The following ZNF223 variants were observed in gnomAD, a reference collection of about 807,000 sequenced individuals.
ZNF223 encodes the protein Homo sapiens zinc finger protein 223.
A neutral mutation model predicts 12.3 loss-of-function variants in ZNF223; 9 were observed. The ratio of observed to expected loss-of-function variants is 0.73; its 90% CI spans 0.44 to 1.28. The LOEUF (loss-of-function observed/expected upper bound fraction) is 1.28, where lower values mean the gene tolerates loss of function less well. Ranked by LOEUF, ZNF223 falls within the 50% of genes most tolerant of loss-of-function variation. The probability of loss-of-function intolerance (pLI) is 0.00; values close to 1 mark genes in which losing one functional copy is unlikely to be tolerated. For synonymous variants in ZNF223, 171 were observed against 195.2 expected (o/e 0.88, Z 1.03); for missense variants, 506 against 579.0 (o/e 0.87, Z 1.29).
At chr19:44,056,830 C>A (rs1243305029) in intron 2 of ZNF223, among the ~76,000 whole-genome samples, 1 of 151,850 alleles carries the variant, frequency 6.6e-6, no homozygotes, top group Non-Finnish European at 1.5e-5. Context: ...GATCTGACCT[C>A]ATGATCTGCC....
intron 2 of ZNF223, among the ~76,000 whole-genome samples, chr19:44,059,873 C>T (rs1280218712): frequency 6.6e-6 from 1 of 152,210 alleles, no homozygotes; most frequent in Non-Finnish European, 1.5e-5. Context: ...TCCGTGGTCT[C>T]ATTCTTCACC....
At position 44,055,166 on chromosome 19, in the gene ZNF223, T is replaced by C; in HGVS notation, c.-11T>C. The stretch of plus-strand genomic sequence containing the variant: ...TCAGGACTCTGCAAATTCCCTAAAG[T>C]AGGAGGAAAAATGACCATGTCCAAG... On this transcript the variant is annotated 5_prime_UTR_variant, in exon 2 of 5. An upstream open reading frame in the 5' UTR loses its in-frame stop. Coordinates refer to ENST00000434772, the MANE Select transcript of ZNF223 (RefSeq NM_013361.6). 2.5e-6 allele frequency: 4 copies of C among 1,613,256 alleles called. No homozygotes were observed. The highest frequency in any genetic ancestry group is 3.4e-6 in the Non-Finnish European group (4 of 1,179,504).
Position 44,056,585 on chromosome 19 carries a change from ATTTTTTTT to A in ZNF223, c.15+1413_15+1420del, listed in dbSNP as rs775187674. On this transcript the variant is annotated intron_variant, in intron 2 of 4. Coordinates refer to ENST00000434772, the MANE Select transcript of ZNF223 (RefSeq NM_013361.6). Reference sequence around the variant, plus strand: ...TCCTTATGGCATAAAATGCCTCACCATTTTTTTTTTTTTTTTTTTTTTTTTTGAGATAG... The same window carrying A: ...TCCTTATGGCATAAAATGCCTCACCATTTTTTTTTTTTTTTTTTGAGATAG... 4.0e-3 allele frequency among the ~76,000 whole-genome samples: 288 copies of A among 72,154 alleles called. 1 individual carries two copies. The South Asian group carries it at 0.066, about 17-fold the overall frequency. 47.3% of individuals were successfully genotyped at this position (72,154 alleles called of 152,430 possible).
At chr19:44,065,280 G>GT (rs1976891166) in intron 4 of ZNF223, among the ~76,000 whole-genome samples, 1 of 152,078 alleles carries the variant, frequency 6.6e-6, no homozygotes, top group African/African-American at 2.4e-5. Context: ...TTTTAAAAAT[G>GT]TTTTTTAAGC....
At chr19:44,063,651 G>A (rs1184397660) in intron 4 of ZNF223, 9 of 152,280 alleles carry the variant, frequency 5.9e-5, no homozygotes, top group African/African-American at 2.2e-4. Context: ...ATTTGTGGCT[G>A]GGCCCCTCTC....
intron 4 of ZNF223, 154 bp downstream of exon 4, chr19:44,060,995 C>A (rs1257221735): frequency 4.4e-6 from 3 of 674,550 alleles, no homozygotes; most frequent in Non-Finnish European, 7.7e-6. Flanking sequence ...CGTGCCTTCC[C>A]ACTCTGACAT....
In ZNF223 at chr19:44,066,080, T is replaced by G; in HGVS notation, c.252T>G (p.Pro84=). 6.3e-7 allele frequency: 1 copy of G among 1,596,680 alleles called. No homozygotes were observed. The highest frequency in any genetic ancestry group is 8.5e-7 in the Non-Finnish European group (1 of 1,173,960). ...REGNSGGKIQ[P]EMKTFPEAGP... is the part of the protein sequence containing the mutation. ...TTCTGATAGGAGGCAAGATCCAACC[T>G]GAGATGAAGACTTTTCCAGAAGCAG... The change falls in exon 5 of 5, where the codon CCT becomes CCG. Residue 84 remains proline, a synonymous_variant. Transcript: ENST00000434772.
At chr19:44,066,040 TC>T (rs750570989) in intron 4 of ZNF223, 23 bp from the exon 5 acceptor site, 1 of 1,558,830 alleles carries the variant, frequency 6.4e-7, no homozygotes, top group Admixed American at 2.0e-5. Context: ...CTTGTCCTGA[TC>T]TCTTAATTTT....
chr19:44,067,829 G>T lies in ZNF223; in HGVS notation c.*552G>T, dbSNP rs143013996. On this transcript the variant is annotated 3_prime_UTR_variant, in exon 5 of 5. Transcript: ENST00000434772. ...AAAATTGATGACCACTAGAATGTCA[G>T]CCACATGTGTCTTTGTATTTTTGCT... 1,377 of 196,010 alleles carry T rather than the reference G, an allele frequency of 7.0e-3. 7 individuals are homozygous for T. The highest frequency in any genetic ancestry group is 0.011 in the Middle Eastern group (5 of 436). The allele number at this position is 196,010 out of a possible 1,614,324, so 12.1% of individuals were successfully genotyped here.
intron 1 of ZNF223, among the ~76,000 whole-genome samples, chr19:44,053,787 G>A (rs1976730748): frequency 6.6e-6 from 1 of 152,222 alleles, no homozygotes; most frequent in Non-Finnish European, 1.5e-5. Flanking sequence ...CTTGGGCAGA[G>A]GTCCCTGTGG....
chr19:44,064,660 A>C (rs1220465992), intron 4 of ZNF223, among the ~76,000 whole-genome samples: 1 of 152,132 alleles, frequency 6.6e-6, no homozygotes, highest in East Asian at 1.9e-4. Flanking sequence ...CTACCTTCAC[A>C]TTCAATAATT....
chr19:44,056,327 C>G (rs867154065), intron 2 of ZNF223, among the ~76,000 whole-genome samples: 1 of 131,484 alleles, frequency 7.6e-6, no homozygotes, highest in African/African-American at 2.9e-5. Context: ...ACCATCCTGG[C>G]TAATATGGTG....
chr19:44,058,725 G>T (rs1051365567), intron 2 of ZNF223, among the ~76,000 whole-genome samples: 2 of 152,242 alleles, frequency 1.3e-5, no homozygotes, highest in Middle Eastern at 3.2e-3. Flanking sequence ...ATGTTGCTGG[G>T]CTCCCAAGGC....
rs1448229549 is a variant in ZNF223, at chr19:44,055,163, A to C, written c.-14A>C. On this transcript the variant is annotated 5_prime_UTR_variant, in exon 2 of 5. Coordinates refer to ENST00000434772, the MANE Select transcript of ZNF223 (RefSeq NM_013361.6). ...CATTCAGGACTCTGCAAATTCCCTAAAGTAGGAGGAAAAATGACCATGTCC... is the reference window on the plus strand; with the variant it reads ...CATTCAGGACTCTGCAAATTCCCTACAGTAGGAGGAAAAATGACCATGTCC... The C allele has an allele frequency of 2.5e-6, 4 of 1,613,006 alleles. No homozygotes were observed. The highest frequency in any genetic ancestry group is 3.4e-6 in the Non-Finnish European group (4 of 1,179,420).
At chr19:44,058,167 T>G (rs1976793062) in intron 2 of ZNF223, among the ~76,000 whole-genome samples, 1 of 152,154 alleles carries the variant, frequency 6.6e-6, no homozygotes, top group African/African-American at 2.4e-5. Context: ...CCCATAATAT[T>G]GCATTCTTAG....
rs1420404899 is a variant in ZNF223 at position 44,067,068 on chromosome 19, A to G, written c.1240A>G (p.Ser414Gly). The G allele has an allele frequency of 1.9e-6, 3 of 1,613,956 alleles. No homozygotes were observed. The highest frequency in any genetic ancestry group is 1.1e-5 in the South Asian group (1 of 90,998). The change falls in exon 5 of 5, where the codon AGT (serine) becomes GGT (glycine). Residue 414 changes from serine to glycine, a missense_variant. Coordinates refer to ENST00000434772, the MANE Select transcript of ZNF223 (RefSeq NM_013361.6). ...DCGKSFRQAS[S>G]ILNHKRLHCR... ...TGGGAAGAGCTTTAGACAGGCCTCAAGTATTTTGAATCATAAGAGACTCCA... is the reference window on the plus strand; with the variant it reads ...TGGGAAGAGCTTTAGACAGGCCTCAGGTATTTTGAATCATAAGAGACTCCA...
At position 44,066,498 on chromosome 19, in the gene ZNF223, A is replaced by C; in HGVS notation, c.670A>C (p.Arg224=). The C allele has an allele frequency of 6.2e-7, 1 of 1,614,220 alleles. No homozygotes were observed. Among genetic ancestry groups the C allele is most frequent in the Non-Finnish European group, 8.5e-7 (1 of 1,180,044 alleles). The part of the protein sequence containing the change: ...SQSLHLQTHQ[R]VHTGEKPFKC... The stretch of plus-strand genomic sequence containing the variant: ...GAGTTTACATCTGCAAACTCATCAG[A>C]GAGTCCATACTGGAGAGAAACCTTT... The change falls in exon 5 of 5, where the codon AGA becomes CGA. Residue 224 remains arginine, a synonymous_variant. Coordinates refer to ENST00000434772, the MANE Select transcript of ZNF223 (RefSeq NM_013361.6).
rs747942579 is a variant in ZNF223, at chr19:44,060,574, G to C, written c.135G>C (p.Leu45=). ...TGCTGGAGAACTTCAGGAACCTGCTGTCAGTGGGTGAGGACAGGCATCTTC... is the reference window on the plus strand; with the variant it reads ...TGCTGGAGAACTTCAGGAACCTGCTCTCAGTGGGTGAGGACAGGCATCTTC... The part of the protein sequence containing the change: ...DVMLENFRNL[L]SVGHQPFHRD... The change falls in exon 3 of 5, where the codon CTG becomes CTC. Residue 45 remains leucine, a synonymous_variant. Coordinates refer to ENST00000434772, the MANE Select transcript of ZNF223 (RefSeq NM_013361.6). The C allele has an allele frequency of 2.0e-5, 33 of 1,614,044 alleles. No homozygotes were observed. The South Asian group carries it at 3.5e-4, about 17-fold the overall frequency.
chr19:44,060,748 G>A lies in ZNF223; in HGVS notation c.143-1G>A, dbSNP rs780619926. The A allele has an allele frequency of 3.7e-6, 6 of 1,612,730 alleles. No homozygotes were observed. Among genetic ancestry groups the A allele is most frequent in the Non-Finnish European group, 5.1e-6 (6 of 1,179,610 alleles). ...AAGCATGTGACTTTTCCTGTTTACA[G>A]GGCATCAACCATTCCACCGAGATAC... is the stretch of plus-strand genomic sequence containing the variant. On this transcript the variant is annotated splice_acceptor_variant, in intron 3 of 4. Transcript: ENST00000434772. LOFTEE classifies it high-confidence loss of function.
Sources: gnomAD v4.1 joint callset for allele counts (sites outside exome capture counted in the v4.1 genomes callset) on GRCh38, gnomAD v4.1.1 for gene constraint, MANE v1.5 for transcripts, NCBI Gene and HGNC (gene_info 2026-07-23, HGNC 2026-07-21) for gene names.